ANKRD36B: variants seen among roughly 807,000 people sequenced by gnomAD.
ANKRD36B encodes the protein ankyrin repeat domain-containing protein 36B.
In ANKRD36B, 37 loss-of-function variants were observed where a neutral mutation model predicts 135.7. That is an observed-to-expected ratio of 0.27 (90% CI 0.21 to 0.36). ANKRD36B has a LOEUF of 0.36. ANKRD36B is among the 10% of genes least tolerant of loss of function. The pLI, the probability that ANKRD36B is intolerant of heterozygous loss-of-function variation, is 1.00. For missense variants in ANKRD36B, 549 were observed against 1,037.1 expected, an observed-to-expected ratio of 0.53 and a Z score of 6.46; for synonymous variants, 179 against 348.1, an observed-to-expected ratio of 0.51 and a Z score of 5.41.
At position 97,513,106 on chromosome 2, in the gene ANKRD36B, T is replaced by G. The variant is rs71429346; in HGVS notation, c.2805+74A>C. 6 of 1,436,524 alleles carry G rather than the reference T, an allele frequency of 4.2e-6. No individual in the cohort carries two copies. In the South Asian group the frequency reaches 6.8e-5, roughly 16 times the overall value. 89.0% of individuals were successfully genotyped at this position (1,436,524 alleles called of 1,614,324 possible). On this transcript the variant is annotated intron_variant, in intron 38 of 43. Transcript: ENST00000359901. ...GGATTGTTCAGGCCTAAATAATATA[T>G]GTTAAATGAAAGAGATGGTATAAGT...
intron 14 of ANKRD36B, among the ~76,000 whole-genome samples, chr2:97,554,795 C>T (rs528638108): frequency 6.6e-6 from 1 of 151,930 alleles, no homozygotes; most frequent in African/African-American, 2.4e-5. Context: ...ATTATGCTGT[C>T]CCCTGAGCCC....
At chr2:97,582,962 G>C (rs2082722307) in intron 3 of ANKRD36B, among the ~76,000 whole-genome samples, 1 of 151,928 alleles carries the variant, frequency 6.6e-6, no homozygotes. Context: ...TATAATTCTA[G>C]TTTCTATATT....
In ANKRD36B at chr2:97,539,777, C is replaced by T. The variant is rs189390776; in HGVS notation, c.1987+257G>A. ...AAGCAAAATTATGCTGTCCCCTGAG[C>T]CCCTTATGTCTTGACATGGTCTCCA... On this transcript the variant is annotated intron_variant, in intron 30 of 43. Coordinates refer to ENST00000359901, the MANE Select transcript of ANKRD36B (RefSeq NM_001393939.1). 90 of 217,510 alleles carry T rather than the reference C, an allele frequency of 4.1e-4. 22 individuals are homozygous for T. The highest frequency in any genetic ancestry group is 2.1e-3 in the African/African-American group (79 of 36,896). 13.5% of individuals were successfully genotyped at this position (217,510 alleles called of 1,614,324 possible). A position where few individuals can be genotyped will look rare whatever the true frequency, so the allele number is the denominator to read the frequency against.
intron 6 of ANKRD36B, among the ~76,000 whole-genome samples, chr2:97,562,601 GCTTT>G (rs1292240750): frequency 2.6e-5 from 4 of 151,848 alleles, no homozygotes; most frequent in Non-Finnish European, 4.4e-5. Context: ...CTCACTAGCT[GCTTT>G]CTTTGTTTAC....
rs2078099067 is a variant in ANKRD36B, at chr2:97,524,722, G to A, written c.2266-1255C>T. On this transcript the variant is annotated intron_variant, in intron 35 of 43. Transcript: ENST00000359901. ...ATGTAGTTGCTCTTCCTCAATACAA[G>A]CAGTTTTGTAATTTTCACAAATTTC... 8 of 97,038 alleles carry A rather than the reference G, an allele frequency of 8.2e-5. 2 individuals are homozygous for A. In the South Asian group the frequency reaches 1.9e-3, roughly 23 times the overall value. 6.0% of individuals were successfully genotyped at this position (97,038 alleles called of 1,614,324 possible).
In ANKRD36B at chr2:97,556,913, A is replaced by G. The variant is rs201758802; in HGVS notation, c.1069+24T>C. 139 of 1,570,200 alleles carry G rather than the reference A, an allele frequency of 8.9e-5. 3 individuals are homozygous for G. In the South Asian group the frequency reaches 1.4e-3, roughly 16 times the overall value. Reference sequence around the variant, plus strand: ...CTCTTCTGTCTTGAGTGCACATGACATTAAATGTGTATTGCCAAATTACCT... The same window carrying G: ...CTCTTCTGTCTTGAGTGCACATGACGTTAAATGTGTATTGCCAAATTACCT... On this transcript the variant is annotated intron_variant, in intron 12 of 43. Transcript: ENST00000359901.
At chr2:97,560,905 T>C in intron 6 of ANKRD36B, 45 bp from the exon 7 acceptor site, 1 of 1,509,446 alleles carries the variant, frequency 6.6e-7, no homozygotes, top group Non-Finnish European at 8.9e-7. Flanking sequence ...GTAAATATGA[T>C]AATGTTATCC....
intron 14 of ANKRD36B, 59 bp from the exon 15 acceptor site, chr2:97,553,430 A>G: frequency 1.9e-6 from 3 of 1,556,656 alleles, no homozygotes; most frequent in Non-Finnish European, 2.6e-6. Context: ...TTTTCCATAC[A>G]TTCATGCGGT....
chr2:97,547,139 C>G (rs531233081), intron 22 of ANKRD36B: 1 of 196,370 alleles, frequency 5.1e-6, no homozygotes, highest in South Asian at 9.5e-5. Flanking sequence ...CCTACAGTGT[C>G]TACGGGTTGT....
chr2:97,567,847 T>G (rs1451626492), intron 6 of ANKRD36B, among the ~76,000 whole-genome samples: 2 of 152,170 alleles, frequency 1.3e-5, no homozygotes, highest in Non-Finnish European at 2.9e-5. Flanking sequence ...TCATCATGGT[T>G]CACGGATCCA....
intron 6 of ANKRD36B, among the ~76,000 whole-genome samples, chr2:97,575,155 C>T (rs1402791587): frequency 6.6e-6 from 1 of 151,968 alleles, no homozygotes; most frequent in African/African-American, 2.4e-5. Context: ...TGACTCCTCT[C>T]CTACTTTTCT....
intron 3 of ANKRD36B, among the ~76,000 whole-genome samples, chr2:97,584,610 T>G (rs1415448802): frequency 1.4e-5 from 2 of 146,604 alleles, no homozygotes; most frequent in Non-Finnish European, 3.0e-5. Context: ...TACTTTCCTG[T>G]GTCACTTCAC....
Position 97,553,240 on chromosome 2 carries a change from C to T in ANKRD36B, c.1201G>A (p.Ala401Thr). ...VSSQKQQALK[A>T]TTDEEGSVSN... Reference sequence around the variant, plus strand: ...ACAGAACCTTCCTCGTCAGTTGTAGCCTGAATGGAATTTGAAAGAAAATAA... The same window carrying T: ...ACAGAACCTTCCTCGTCAGTTGTAGTCTGAATGGAATTTGAAAGAAAATAA... Residue 401 changes from alanine (A) to threonine (T), a missense_variant and splice_region_variant, in exon 16 of 44, where the codon GCT becomes ACT. Ala to Thr is a moderately conservative substitution (Grantham distance 58). Coordinates refer to ENST00000359901, the MANE Select transcript of ANKRD36B (RefSeq NM_001393939.1). The T allele has an allele frequency of 5.6e-6, 9 of 1,608,288 alleles. No homozygotes were observed. Among genetic ancestry groups the T allele is most frequent in the Non-Finnish European group, 7.6e-6 (9 of 1,178,348 alleles).
In ANKRD36B at chr2:97,532,316, G is replaced by T. The variant is rs1336874347; in HGVS notation, c.2260C>A (p.Pro754Thr). ...KRLEEYENNQ[P>T]QVKNQIHSRD... Reference sequence around the variant, plus strand: ...GATTTTAAATTTTTACATACCTGTGGCTGGTTATTTTCATATTCTTCAAGC... The same window carrying T: ...GATTTTAAATTTTTACATACCTGTGTCTGGTTATTTTCATATTCTTCAAGC... The change falls in exon 35 of 44, where the codon CCA becomes ACA. Residue 754 changes from proline to threonine, a missense_variant. Pro to Thr is a conservative substitution (Grantham distance 38). Coordinates refer to ENST00000359901, the MANE Select transcript of ANKRD36B (RefSeq NM_001393939.1). 5.6e-6 allele frequency: 4 copies of T among 716,392 alleles called. 1 individual carries two copies. The African/African-American group carries it at 7.8e-5, about 14-fold the overall frequency. The allele number at this position is 716,392 out of a possible 1,614,324, so 44.4% of individuals were successfully genotyped here.
Position 97,532,102 on chromosome 2 carries a change from A to G in ANKRD36B, c.2265+209T>C, listed in dbSNP as rs1177386377. ...ACAATATCAGGAACTTTTTAACTCA[A>G]TTCCAAGAGTAAAGATTAGATACAA... On this transcript the variant is annotated intron_variant, in intron 35 of 43. Coordinates refer to ENST00000359901, the MANE Select transcript of ANKRD36B (RefSeq NM_001393939.1). Among the ~76,000 whole-genome samples, 13 of 97,200 alleles carry G rather than the reference A, an allele frequency of 1.3e-4. 5 individuals are homozygous for G. Among genetic ancestry groups the G allele is most frequent in the African/African-American group, 3.1e-4 (10 of 32,550 alleles). 63.8% of individuals were successfully genotyped at this position (97,200 alleles called of 152,430 possible).
At chr2:97,576,213 T>A (rs1438189548) in intron 6 of ANKRD36B, among the ~76,000 whole-genome samples, 166 bp downstream of exon 6, 3 of 150,580 alleles carry the variant, frequency 2.0e-5, no homozygotes, top group Non-Finnish European at 4.4e-5. Context: ...ATAAATTACC[T>A]ACAATTAACT....
intron 32 of ANKRD36B, among the ~76,000 whole-genome samples, chr2:97,536,987 G>T (rs1343515287): frequency 1.0e-5 from 1 of 96,328 alleles, no homozygotes; most frequent in Non-Finnish European, 2.8e-5. Flanking sequence ...TACACTTCAC[G>T]TATCTTCAGT....
intron 6 of ANKRD36B, among the ~76,000 whole-genome samples, chr2:97,563,765 T>G (rs1276973093): frequency 6.6e-6 from 1 of 152,188 alleles, no homozygotes; most frequent in Admixed American, 6.6e-5. Context: ...ATGGGAGAGA[T>G]GCAGCTATGC....
At position 97,533,442 on chromosome 2, in the gene ANKRD36B, C is replaced by T. The variant is rs576343502; in HGVS notation, c.2192-1058G>A. 2.1e-5 allele frequency among the ~76,000 whole-genome samples: 2 copies of T among 96,510 alleles called. 1 individual carries two copies. Among genetic ancestry groups the T allele is most frequent in the African/African-American group, 6.2e-5 (2 of 32,294 alleles). The allele number at this position is 96,510 out of a possible 152,430, so 63.3% of individuals were successfully genotyped here. On this transcript the variant is annotated intron_variant, in intron 34 of 43. Transcript: ENST00000359901. ...AAAGCTGATGGGAGGATGCTATGGC[C>T]TATCTTTAATGCAATACTTCAGATT...
Sources: gnomAD v4.1 joint callset for allele counts (sites outside exome capture counted in the v4.1 genomes callset) on GRCh38, gnomAD v4.1.1 for gene constraint, MANE v1.5 for transcripts, NCBI Gene and HGNC (gene_info 2026-07-23, HGNC 2026-07-21) for gene names.